PIK3CA: variants seen among roughly 807,000 people sequenced by gnomAD.
The protein encoded by PIK3CA is phosphatidylinositol-4,5-bisphosphate 3-kinase catalytic subunit alpha.
A neutral mutation model predicts 138.2 loss-of-function variants in PIK3CA; 27 were observed. That is an observed-to-expected ratio of 0.20 (90% CI 0.14 to 0.27). PIK3CA has a LOEUF of 0.27. PIK3CA is among the 10% of genes least tolerant of loss of function. The pLI, the probability that PIK3CA is intolerant of heterozygous loss-of-function variation, is 1.00. For missense variants in PIK3CA, 544 were observed against 1,277.4 expected (o/e 0.43, Z 8.75); for synonymous variants, 358 against 413.2 (o/e 0.87, Z 1.62).
intron 1 of PIK3CA, among the ~76,000 whole-genome samples, chr3:179,158,407 T>C (rs1031461412): frequency 6.6e-6 from 1 of 152,136 alleles, no homozygotes; most frequent in Admixed American, 6.5e-5. Context: ...ATTCCTGGAA[T>C]CTTCGAATTC....
rs2108399218 is a variant in PIK3CA at position 179,209,632 on chromosome 3, G to T, written c.1183G>T (p.Asp395Tyr). The T allele has an allele frequency of 6.2e-7, 1 of 1,611,656 alleles. No homozygotes were observed. Among genetic ancestry groups the T allele is most frequent in the South Asian group, 1.1e-5 (1 of 90,720 alleles). ...EWLNYDIYIP[D>Y]LPRAARLCLS... ...GCTGAATTATGATATATACATTCCT[G>T]ATCTTCCTCGTGCTGCTCGACTTTG... Residue 395 changes from aspartate (D) to tyrosine (Y), a missense_variant, in exon 7 of 21, where the codon GAT becomes TAT. By Grantham distance (160) the Asp-to-Tyr change is radical (BLOSUM62 -3). Coordinates refer to ENST00000263967, the MANE Select transcript of PIK3CA (RefSeq NM_006218.4).
At position 179,239,206 on chromosome 3, in the gene PIK3CA, T is replaced by A. The variant is rs963072394; in HGVS notation, c.*4842T>A. On this transcript the variant is annotated 3_prime_UTR_variant, in exon 21 of 21. Coordinates refer to ENST00000263967, the MANE Select transcript of PIK3CA (RefSeq NM_006218.4). Reference sequence around the variant, plus strand: ...TAAGTACAGAAAAGGTTTTTAAATGTATTTTTTTAGCCAGTTAAAGTCTAT... The same window carrying A: ...TAAGTACAGAAAAGGTTTTTAAATGAATTTTTTTAGCCAGTTAAAGTCTAT... 4 of 205,750 alleles carry A rather than the reference T, an allele frequency of 1.9e-5. No individual in the cohort carries two copies. The highest frequency in any genetic ancestry group is 1.8e-4 in the Admixed American group (3 of 16,768). 12.7% of individuals were successfully genotyped at this position (205,750 alleles called of 1,614,324 possible). A position where few individuals can be genotyped will look rare whatever the true frequency, so the allele number is the denominator to read the frequency against.
chr3:179,201,609 AT>A (rs373901635), intron 4 of PIK3CA, 69 bp downstream of exon 4: 82,147 of 746,594 alleles, frequency 0.11, 2 homozygotes, highest in East Asian at 0.16. Flanking sequence ...GAGTATCTGT[AT>A]TTTTTTTTTT....
At position 179,224,087 on chromosome 3, in the gene PIK3CA, A is replaced by G; in HGVS notation, c.2194A>G (p.Met732Val). Residue 732 changes from methionine (M) to valine (V), a missense_variant, in exon 15 of 21, where the codon ATG (methionine) becomes GTG (valine). Physicochemically the swap from Met to Val is conservative, Grantham distance 21 (BLOSUM62 1). Transcript: ENST00000263967. ...EKKDETQKVQMKFLVEQMRRP... is the reference protein window; with the variant it reads ...EKKDETQKVQVKFLVEQMRRP... ...ATCCTTTTTTTTTAATCAGGTACAG[A>G]TGAAGTTTTTAGTTGAGCAAATGAG... The G allele has an allele frequency of 6.3e-7, 1 of 1,578,644 alleles. No individual in the cohort carries two copies. The highest frequency in any genetic ancestry group is 2.2e-5 in the East Asian group (1 of 44,596).
At chr3:179,184,415 C>T (rs1374468373) in intron 1 of PIK3CA, among the ~76,000 whole-genome samples, 3 of 152,146 alleles carry the variant, frequency 2.0e-5, no homozygotes, top group African/African-American at 7.2e-5. Context: ...GACACTTGGT[C>T]TCAGGAAATA....
intron 1 of PIK3CA, among the ~76,000 whole-genome samples, chr3:179,151,575 GTGTTT>G (rs1208845537): frequency 6.6e-6 from 1 of 152,168 alleles, no homozygotes; most frequent in Non-Finnish European, 1.5e-5. Context: ...CCAGTTATCT[GTGTTT>G]TGTTTTGTTT....
chr3:179,199,483 G>T (rs1724353383), intron 2 of PIK3CA, among the ~76,000 whole-genome samples: 2 of 151,768 alleles, frequency 1.3e-5, no homozygotes, highest in Non-Finnish European at 2.9e-5. Flanking sequence ...CTAAATTGCT[G>T]AATATATTAT....
At chr3:179,233,050 G>A (rs572061202) in intron 20 of PIK3CA, among the ~76,000 whole-genome samples, 9 of 152,020 alleles carry the variant, frequency 5.9e-5, no homozygotes, top group African/African-American at 2.2e-4. Flanking sequence ...GTAGAGATGG[G>A]GTTTCACTTT....
rs150864715 is a variant in PIK3CA, at chr3:179,236,350, A to C, written c.*1986A>C. 2.8e-5 allele frequency: 6 copies of C among 211,026 alleles called. No homozygotes were observed. In the East Asian group the frequency reaches 4.3e-4, roughly 15 times the overall value. 13.1% of individuals were successfully genotyped at this position (211,026 alleles called of 1,614,324 possible). A position where few individuals can be genotyped will look rare whatever the true frequency, so the allele number is the denominator to read the frequency against. ...AACTCTGTTTTAAGCAGGAAACCAG[A>C]AAGATTATTTTGCAGTTGTAGAAGA... On this transcript the variant is annotated 3_prime_UTR_variant, in exon 21 of 21. Transcript: ENST00000263967.
At chr3:179,173,404 C>CAAAAAAAA (rs749831764) in intron 1 of PIK3CA, among the ~76,000 whole-genome samples, 265 of 43,082 alleles carry the variant, frequency 6.2e-3, no homozygotes, top group Non-Finnish European at 7.2e-3. Context: ...GCTAAAAATA[C>CAAAAAAAA]AAAAAAAAAA....
At chr3:179,152,911 T>G (rs975658222) in intron 1 of PIK3CA, among the ~76,000 whole-genome samples, 2 of 152,098 alleles carry the variant, frequency 1.3e-5, no homozygotes, top group Non-Finnish European at 2.9e-5. Flanking sequence ...GCCAAACTAT[T>G]CACACATATA....
rs975452309 is a variant in PIK3CA at position 179,230,873 on chromosome 3, A to G, written c.2936+497A>G. Reference sequence around the variant, plus strand: ...TGGGGTACACGTGGTTTTTGATTACATGGATGAATTAAATAGTGGTAAAGT... The same window carrying G: ...TGGGGTACACGTGGTTTTTGATTACGTGGATGAATTAAATAGTGGTAAAGT... On this transcript the variant is annotated intron_variant, in intron 20 of 20. Coordinates refer to ENST00000263967, the MANE Select transcript of PIK3CA (RefSeq NM_006218.4). This position sits in a 1 kb window ranked among gnomAD's most constrained non-coding sequence, Gnocchi z 5.4. Among the ~76,000 whole-genome samples, 52 of 152,156 alleles carry G rather than the reference A, an allele frequency of 3.4e-4. No individual in the cohort carries two copies. Among genetic ancestry groups the G allele is most frequent in the African/African-American group, 1.1e-3 (47 of 41,440 alleles).
At chr3:179,196,731 A>G (rs1724273914) in intron 1 of PIK3CA, among the ~76,000 whole-genome samples, 1 of 152,206 alleles carries the variant, frequency 6.6e-6, no homozygotes. Flanking sequence ...TACAGCATAA[A>G]TGTCTAATCA....
intron 1 of PIK3CA, among the ~76,000 whole-genome samples, chr3:179,183,219 T>G (rs568415045): frequency 6.6e-6 from 1 of 152,320 alleles, no homozygotes; most frequent in Non-Finnish European, 1.5e-5. Flanking sequence ...ACTAGGATAT[T>G]TTGTTATTGC....
At position 179,224,927 on chromosome 3, in the gene PIK3CA, AC is replaced by A. The variant is rs1445171920; in HGVS notation, c.2416+107del. 4.5e-6 allele frequency: 3 copies of A among 660,798 alleles called. No homozygotes were observed. The African/African-American group carries it at 5.5e-5, about 12-fold the overall frequency. 40.9% of individuals were successfully genotyped at this position (660,798 alleles called of 1,614,324 possible). A position where few individuals can be genotyped will look rare whatever the true frequency, so the allele number is the denominator to read the frequency against. On this transcript the variant is annotated intron_variant, in intron 16 of 20. Coordinates refer to ENST00000263967, the MANE Select transcript of PIK3CA (RefSeq NM_006218.4). ...CTACTGAAAGCCATTTAAGGAATAT[AC>A]ACATGTGATAAAATATGTAATATTT...
rs149692458 is a variant in PIK3CA at position 179,240,067 on chromosome 3, G to C, written c.*5703G>C. On this transcript the variant is annotated 3_prime_UTR_variant, in exon 21 of 21. Coordinates refer to ENST00000263967, the MANE Select transcript of PIK3CA (RefSeq NM_006218.4). ...ACTCTGCAGTCTGTAACATCACGCT[G>C]TTTATTAAAAAAAAAAAGAAAAATT... 1.8e-3 allele frequency: 2,750 copies of C among 1,524,314 alleles called. 45 individuals are homozygous for C. The East Asian group carries it at 0.031, about 17-fold the overall frequency. 94.4% of individuals were successfully genotyped at this position (1,524,314 alleles called of 1,614,324 possible). A position where few individuals can be genotyped will look rare whatever the true frequency, so the allele number is the denominator to read the frequency against.
At chr3:179,203,033 C>T (rs1327509354) in intron 4 of PIK3CA, among the ~76,000 whole-genome samples, 1 of 150,526 alleles carries the variant, frequency 6.6e-6, no homozygotes, top group African/African-American at 2.4e-5. Context: ...CTCCGCCTCC[C>T]GGGTTCACGC....
At chr3:179,185,051 G>C (rs1043215315) in intron 1 of PIK3CA, among the ~76,000 whole-genome samples, 2 of 152,328 alleles carry the variant, frequency 1.3e-5, no homozygotes, top group Non-Finnish European at 2.9e-5. Flanking sequence ...TGTGGGAACA[G>C]TGTGTAGCAA....
rs150530651 is a variant in PIK3CA at position 179,159,963 on chromosome 3, A to T, written c.-77+11360A>T. Among the ~76,000 whole-genome samples, 1,022 of 152,310 alleles carry T rather than the reference A, an allele frequency of 6.7e-3. 63 individuals carry two copies. The South Asian group carries it at 0.14, about 20-fold the overall frequency. Reference sequence around the variant, plus strand: ...AGTAAAATACGGTGTAAAAAATTTTAAAAATGGTATGCATGTATAAAGCCT... The same window carrying T: ...AGTAAAATACGGTGTAAAAAATTTTTAAAATGGTATGCATGTATAAAGCCT... On this transcript the variant is annotated intron_variant, in intron 1 of 20. Coordinates refer to ENST00000263967, the MANE Select transcript of PIK3CA (RefSeq NM_006218.4).
Sources: allele counts gnomAD v4.1 joint callset (sites outside exome capture counted in the v4.1 genomes callset), GRCh38; gene constraint gnomAD v4.1.1; non-coding constraint Gnocchi (gnomAD v3.1); transcripts MANE v1.5; gene names NCBI Gene and HGNC (gene_info 2026-07-23, HGNC 2026-07-21).